Variants in SDK1 observed in about 807,000 individuals in gnomAD.
The protein encoded by SDK1 is sidekick cell adhesion molecule 1.
Under a neutral mutation model 245.5 loss-of-function variants are expected in SDK1, and 157 were observed. The observed-to-expected ratio is 0.64, with a 90% CI of 0.56 to 0.73. The LOEUF is 0.73. SDK1 is among the 30% of genes least tolerant of loss of function. The probability of loss-of-function intolerance (pLI) is 0.00; values close to 1 mark genes in which losing one functional copy is unlikely to be tolerated. For synonymous variants in SDK1, 1,647 were observed against 1,278.5 expected, an observed-to-expected ratio of 1.29 and a Z score of -6.15; for missense variants, 3,583 against 3,002.3, an observed-to-expected ratio of 1.19 and a Z score of -4.52.
chr7:3,495,968 C>A (rs1782013011), intron 1 of SDK1, among the ~76,000 whole-genome samples: 1 of 152,186 alleles, frequency 6.6e-6, no homozygotes, highest in African/African-American at 2.4e-5. Flanking sequence ...ACAACTAGAA[C>A]ATACTTATCT....
At chr7:3,411,150 A>C (rs149751602) in intron 1 of SDK1, among the ~76,000 whole-genome samples, 1 of 152,322 alleles carries the variant, frequency 6.6e-6, no homozygotes, top group Non-Finnish European at 1.5e-5. Context: ...AAGAGGGAGA[A>C]GGGAAGATCA....
Position 4,114,158 on chromosome 7 carries a change from A to T in SDK1, c.3707A>T (p.Glu1236Val). 6.2e-7 allele frequency: 1 copy of T among 1,614,202 alleles called. No individual in the cohort carries two copies. Among genetic ancestry groups the T allele is most frequent in the Non-Finnish European group, 8.5e-7 (1 of 1,180,044 alleles). ...GTCGTCAGTGACCGGCTGGAGAGAG[A>T]ATTCACCATCGAGGAGCTGGAGGAG... Reference protein sequence around the residue: ...AQVVSDRLEREFTIEELEEWM... With the variant: ...AQVVSDRLERVFTIEELEEWM... Residue 1236 changes from glutamate (E) to valine (V), a missense_variant, in exon 25 of 45, where the codon GAA becomes GTA. Transcript: ENST00000404826.
chr7:3,884,075 G>GTTT (rs1245065311), intron 5 of SDK1, among the ~76,000 whole-genome samples: 1 of 138,928 alleles, frequency 7.2e-6, no homozygotes, highest in Admixed American at 7.3e-5. Flanking sequence ...TTGTTTGTTT[G>GTTT]TTTTTTTGTT....
chr7:4,169,561 G>T (rs1022080314), intron 32 of SDK1, among the ~76,000 whole-genome samples: 18 of 152,300 alleles, frequency 1.2e-4, no homozygotes, highest in African/African-American at 3.4e-4. Context: ...CCGTCTCTGA[G>T]GCTTCAGAGC....
chr7:3,460,015 A>G (rs1780786010), intron 1 of SDK1, among the ~76,000 whole-genome samples: 1 of 152,254 alleles, frequency 6.6e-6, no homozygotes, highest in Admixed American at 6.5e-5. Context: ...ACATTTTAAA[A>G]TTAAGTGATT....
rs563520945 is a variant in SDK1 at position 4,006,383 on chromosome 7, T to A, written c.2132-4583T>A. On this transcript the variant is annotated intron_variant, in intron 14 of 44. Coordinates refer to ENST00000404826, the MANE Select transcript of SDK1 (RefSeq NM_152744.4). ...AGGGGAGGAAAAAAGGTATTAAACG[T>A]TTATGGGATGGTTTCCTTTATCAAA... Among the ~76,000 whole-genome samples, 3 of 152,300 alleles carry A rather than the reference T, an allele frequency of 2.0e-5. No individual in the cohort carries two copies. The South Asian group carries it at 6.2e-4, about 32-fold the overall frequency.
At chr7:4,150,638 G>A (rs1326248387) in intron 30 of SDK1, among the ~76,000 whole-genome samples, 1 of 152,242 alleles carries the variant, frequency 6.6e-6, no homozygotes, top group Non-Finnish European at 1.5e-5. Context: ...GACTGAACCT[G>A]AATGTAGGGA....
intron 32 of SDK1, among the ~76,000 whole-genome samples, chr7:4,168,629 CTCTG>C (rs1397897923): frequency 6.6e-6 from 1 of 152,228 alleles, no homozygotes; most frequent in African/African-American, 2.4e-5. Flanking sequence ...AAATTGCACT[CTCTG>C]TAATCCTGTC....
At chr7:3,510,067 G>A (rs899913940) in intron 1 of SDK1, among the ~76,000 whole-genome samples, 1 of 152,102 alleles carries the variant, frequency 6.6e-6, no homozygotes, top group East Asian at 1.9e-4. Flanking sequence ...ACTGGGAGGG[G>A]GCTCCCTTAT....
At chr7:3,321,834 T>TCCTTCCTTCCTTCCTC (rs1562412863) in intron 1 of SDK1, among the ~76,000 whole-genome samples, 4 of 139,048 alleles carry the variant, frequency 2.9e-5, no homozygotes, top group Non-Finnish European at 4.6e-5. Context: ...CCTTCCTCCT[T>TCCTTCCTTCCTTCCTC]TTCTCTCTCT....
At chr7:3,788,650 C>T (rs925333287) in intron 4 of SDK1, among the ~76,000 whole-genome samples, 1 of 152,136 alleles carries the variant, frequency 6.6e-6, no homozygotes, top group South Asian at 2.1e-4. Flanking sequence ...CTAACACTAC[C>T]GATGGCTGAT....
chr7:4,114,559 A>C (rs1783575516), intron 25 of SDK1, among the ~76,000 whole-genome samples: 1 of 152,244 alleles, frequency 6.6e-6, no homozygotes, highest in African/African-American at 2.4e-5. Flanking sequence ...GATGAAAAGC[A>C]AGAATGTGTA....
chr7:3,676,624 C>A (rs765905657), intron 4 of SDK1, among the ~76,000 whole-genome samples: 1 of 152,140 alleles, frequency 6.6e-6, no homozygotes, highest in Non-Finnish European at 1.5e-5. Context: ...CACGCCTTGC[C>A]CTCTTCTAAT....
At chr7:3,345,728 G>GT (rs1311118140) in intron 1 of SDK1, among the ~76,000 whole-genome samples, 2 of 152,168 alleles carry the variant, frequency 1.3e-5, no homozygotes, top group South Asian at 2.1e-4. Flanking sequence ...TCTCTTTCCT[G>GT]TTTCAGTGCT....
chr7:4,178,394 TC>T (rs1782379479), intron 34 of SDK1, 90 bp from the exon 35 acceptor site: 1 of 910,138 alleles, frequency 1.1e-6, no homozygotes, highest in Non-Finnish European at 1.8e-6. Flanking sequence ...TGGAGGGTGC[TC>T]CTTGCTTCAT....
At chr7:4,091,747 GC>G (rs1263523864) in intron 22 of SDK1, among the ~76,000 whole-genome samples, 1 of 151,806 alleles carries the variant, frequency 6.6e-6, no homozygotes, top group South Asian at 2.1e-4. Flanking sequence ...CTGCTGTTCA[GC>G]CTTCTACAGA....
chr7:3,757,910 C>T (rs1779983021), intron 4 of SDK1, among the ~76,000 whole-genome samples: 1 of 152,178 alleles, frequency 6.6e-6, no homozygotes, highest in African/African-American at 2.4e-5. Flanking sequence ...CTGAAGCTAT[C>T]TAGGGGCCTG....
At chr7:4,191,363 G>A (rs966063381) in intron 35 of SDK1, among the ~76,000 whole-genome samples, 2 of 152,248 alleles carry the variant, frequency 1.3e-5, no homozygotes, top group African/African-American at 4.8e-5. Context: ...CGGGCTGGTA[G>A]TATTACTCAT....
intron 1 of SDK1, among the ~76,000 whole-genome samples, chr7:3,557,229 A>G (rs1779616399): frequency 6.6e-6 from 1 of 152,180 alleles, no homozygotes; most frequent in African/African-American, 2.4e-5. Flanking sequence ...GGAAAAGAGG[A>G]CACAAATCTG....
Sources: allele counts gnomAD v4.1 joint callset (sites outside exome capture counted in the v4.1 genomes callset), GRCh38; gene constraint gnomAD v4.1.1; transcripts MANE v1.5; gene names NCBI Gene and HGNC (gene_info 2026-07-23, HGNC 2026-07-21).